Variants in SYNE2 observed in about 807,000 individuals in gnomAD.
SYNE2 encodes the protein nesprin-2.
A neutral mutation model predicts 856.3 loss-of-function variants in SYNE2; 431 were observed. That is an observed-to-expected ratio of 0.50 (90% CI 0.47 to 0.55). SYNE2 has a LOEUF of 0.55. Ranked by LOEUF, SYNE2 falls within the 20% of genes least tolerant of loss-of-function variation. The pLI is 0.00. For missense variants in SYNE2, 8,129 were observed against 8,023.2 expected (o/e 1.01, Z -0.50); for synonymous variants, 2,923 against 2,872.3 (o/e 1.02, Z -0.56).
At chr14:63,852,481 A>AC (rs1349354711), upstream of SYNE2, among the ~76,000 whole-genome samples, 1 of 152,086 alleles carries the variant, frequency 6.6e-6, no homozygotes, top group African/African-American at 2.4e-5. Flanking sequence ...GCATTAACAA[A>AC]CGCCTCCCCT....
intron 6 of SYNE2, 87 bp downstream of exon 6, chr14:63,942,230 C>CT: frequency 1.2e-6 from 1 of 814,524 alleles, no homozygotes; most frequent in Non-Finnish European, 2.1e-6. Context: ...GGACTAGATT[C>CT]AGTCCTGAGC....
intron 45 of SYNE2, among the ~76,000 whole-genome samples, chr14:64,043,620 G>A (rs59237063): frequency 0.035 from 5,305 of 152,294 alleles, 314 homozygotes; most frequent in African/African-American, 0.12. Context: ...GGAACAGCTC[G>A]GGCTGTGGCT....
chr14:64,187,030 A>T (rs2098495077), intron 97 of SYNE2, among the ~76,000 whole-genome samples: 1 of 152,174 alleles, frequency 6.6e-6, no homozygotes, highest in African/African-American at 2.4e-5. Context: ...ATTCACAGGA[A>T]CCTGATGTTT....
Position 64,031,385 on chromosome 14 carries a change from A to G in SYNE2, c.7221+28A>G, listed in dbSNP as rs1594985997. The G allele has an allele frequency of 3.1e-6, 5 of 1,594,494 alleles. No individual in the cohort carries two copies. The South Asian group carries it at 4.4e-5, about 14-fold the overall frequency. ...AAGTGCTTGTGATTGCACTTTCAAG[A>G]CAGTGAGTCTGAGAATGAAGAGGTA... On this transcript the variant is annotated intron_variant, in intron 45 of 115. Transcript: ENST00000555002.
At chr14:63,996,222 TTAAA>T (rs2096713034) in intron 23 of SYNE2, among the ~76,000 whole-genome samples, 1 of 152,218 alleles carries the variant, frequency 6.6e-6, no homozygotes, top group South Asian at 2.1e-4. Flanking sequence ...TCAGCCTTAA[TTAAA>T]TCTGTTGCCA....
intron 19 of SYNE2, among the ~76,000 whole-genome samples, chr14:63,987,569 C>T (rs17101516): frequency 0.03 from 4,558 of 152,162 alleles, 245 homozygotes; most frequent in African/African-American, 0.1. Flanking sequence ...TTTTTTAAGC[C>T]TACATTTCTG....
At chr14:63,826,055 A>G (rs1889417976) in intron 1 of SYNE2, among the ~76,000 whole-genome samples, 1 of 152,206 alleles carries the variant, frequency 6.6e-6, no homozygotes. Context: ...CCTAAAATTC[A>G]TATGGAAATG....
intron 71 of SYNE2, among the ~76,000 whole-genome samples, chr14:64,125,492 G>T (rs1192930324): frequency 6.6e-6 from 1 of 152,188 alleles, no homozygotes; most frequent in Non-Finnish European, 1.5e-5. Flanking sequence ...GATTGGAAGG[G>T]TGAAGAGGAG....
intron 32 of SYNE2, among the ~76,000 whole-genome samples, chr14:64,013,037 G>A (rs1328396380): frequency 6.6e-6 from 1 of 152,162 alleles, no homozygotes; most frequent in Non-Finnish European, 1.5e-5. Flanking sequence ...AGACTAGAAG[G>A]CTGGAATGTC....
rs1035153300 is a variant in SYNE2, at chr14:64,224,670, C to A, written c.20469+123C>A. ...CAGGACAGCACAGGTCTCTGCTGAC[C>A]CATAGAGAGGCTTACAGTCTGCCTC... On this transcript the variant is annotated intron_variant, in intron 114 of 115. Transcript: ENST00000555002. 4 of 1,079,424 alleles carry A rather than the reference C, an allele frequency of 3.7e-6. No homozygotes were observed. In the African/African-American group the frequency reaches 4.7e-5, roughly 13 times the overall value. 66.9% of individuals were successfully genotyped at this position (1,079,424 alleles called of 1,614,324 possible).
chr14:64,113,604 C>T (rs1271392284), intron 66 of SYNE2, 33 bp downstream of exon 66: 3 of 1,568,034 alleles, frequency 1.9e-6, no homozygotes, highest in Admixed American at 3.7e-5. Flanking sequence ...CATGGTTTGC[C>T]TCTCCACCAA....
intron 66 of SYNE2, among the ~76,000 whole-genome samples, chr14:64,115,944 A>G (rs1343763667): frequency 6.6e-6 from 1 of 152,144 alleles, no homozygotes; most frequent in Non-Finnish European, 1.5e-5. Context: ...GCTTGAGGCC[A>G]GGAGTTTGAG....
At chr14:63,936,548 C>G (rs1455945312) in intron 2 of SYNE2, among the ~76,000 whole-genome samples, 1 of 152,112 alleles carries the variant, frequency 6.6e-6, no homozygotes, top group African/African-American at 2.4e-5. Context: ...GAAGAAAGAA[C>G]AGCTGGTGCC....
chr14:63,811,911 TCA>T (rs970224539), intron 1 of SYNE2, among the ~76,000 whole-genome samples: 2 of 151,902 alleles, frequency 1.3e-5, no homozygotes, highest in African/African-American at 4.8e-5. Context: ...CCAATAAAGA[TCA>T]CAAGTCAAAG....
At chr14:64,216,497 T>C (rs2098667249) in intron 108 of SYNE2, 110 bp downstream of exon 108, 2 of 1,256,760 alleles carry the variant, frequency 1.6e-6, no homozygotes, top group African/African-American at 1.5e-5. Context: ...CCAGGCATAT[T>C]TTGAGTTGGT....
chr14:63,986,396 G>A, intron 18 of SYNE2, 60 bp from the exon 19 acceptor site: 2 of 1,591,514 alleles, frequency 1.3e-6, no homozygotes, highest in East Asian at 4.5e-5. Context: ...TTTTGAAAAG[G>A]AAAATTATTT....
intron 67 of SYNE2, among the ~76,000 whole-genome samples, chr14:64,120,067 G>C (rs2097886502): frequency 6.6e-6 from 1 of 152,128 alleles, no homozygotes; most frequent in Admixed American, 6.5e-5. Flanking sequence ...ATCATATAAA[G>C]TGTTCTCATG....
At chr14:63,767,953 G>A (rs1043662256) in intron 1 of SYNE2, among the ~76,000 whole-genome samples, 3 of 152,080 alleles carry the variant, frequency 2.0e-5, no homozygotes, top group South Asian at 2.1e-4. Context: ...CAGCACTTTG[G>A]GAAGTCAAGG....
chr14:63,955,522 T>C (rs1019175406), intron 8 of SYNE2, among the ~76,000 whole-genome samples: 1 of 152,214 alleles, frequency 6.6e-6, no homozygotes, highest in Non-Finnish European at 1.5e-5. Context: ...TGTTTCATAA[T>C]GTAACCAAAG....
Sources: gnomAD v4.1 joint callset for allele counts (sites outside exome capture counted in the v4.1 genomes callset) on GRCh38, gnomAD v4.1.1 for gene constraint, MANE v1.5 for transcripts, NCBI Gene and HGNC (gene_info 2026-07-23, HGNC 2026-07-21) for gene names.